Variants in LUZP2 observed in about 807,000 individuals in gnomAD.
LUZP2 encodes the protein leucine zipper protein 2.
In LUZP2, 52 loss-of-function variants were observed where a neutral mutation model predicts 51.6. The ratio of observed to expected loss-of-function variants is 1.01; its 90% CI spans 0.81 to 1.27. LUZP2 has a LOEUF of 1.27. LUZP2 is among the 50% of genes most tolerant of loss of function. The pLI is 0.00. For synonymous variants in LUZP2, 154 were observed against 137.3 expected (o/e 1.12, Z -0.85); for missense variants, 436 against 395.4 (o/e 1.10, Z -0.87).
At chr11:24,661,759 G>C (rs562837512) in intron 1 of LUZP2, among the ~76,000 whole-genome samples, 2 of 152,228 alleles carry the variant, frequency 1.3e-5, no homozygotes, top group East Asian at 3.9e-4. Flanking sequence ...TGGTGAAATA[G>C]TAACTATTCG....
At chr11:24,610,134 A>G (rs111908598) in intron 1 of LUZP2, among the ~76,000 whole-genome samples, 36 of 152,330 alleles carry the variant, frequency 2.4e-4, no homozygotes, top group Admixed American at 5.9e-4. Context: ...CACTGACTGA[A>G]GAATGGCGTT....
chr11:24,804,522 A>G (rs1849796373), intron 5 of LUZP2, among the ~76,000 whole-genome samples: 1 of 152,172 alleles, frequency 6.6e-6, no homozygotes, highest in Admixed American at 6.6e-5. Flanking sequence ...AGCCCTGCAG[A>G]AGTATGATTG....
rs1323862156 is a variant in LUZP2, at chr11:24,637,139, G to C, written c.63-92030G>C. The stretch of plus-strand genomic sequence containing the variant: ...ATTGTAGAGGATGAGCAGAGTGTTA[G>C]AAATATAAAAGCATTATAAAATTGT... On this transcript the variant is annotated intron_variant, in intron 1 of 11. Transcript: ENST00000336930. Among the ~76,000 whole-genome samples the C allele has an allele frequency of 2.6e-5, 4 of 151,726 alleles. 1 individual carries two copies. Among genetic ancestry groups the C allele is most frequent in the African/African-American group, 9.7e-5 (4 of 41,120 alleles).
chr11:24,505,903 G>A (rs1323590943), intron 1 of LUZP2, among the ~76,000 whole-genome samples: 1 of 151,938 alleles, frequency 6.6e-6, no homozygotes, highest in African/African-American at 2.4e-5. Context: ...GCTATAATAT[G>A]GGTAAATATT....
At chr11:24,742,735 T>C (rs1487240975) in intron 4 of LUZP2, among the ~76,000 whole-genome samples, 2 of 152,140 alleles carry the variant, frequency 1.3e-5, no homozygotes, top group African/African-American at 2.4e-5. Flanking sequence ...TTTATTGCGT[T>C]TGCTTTTGGG....
At chr11:24,792,014 A>C (rs1372901015) in intron 5 of LUZP2, among the ~76,000 whole-genome samples, 2 of 150,144 alleles carry the variant, frequency 1.3e-5, no homozygotes, top group African/African-American at 4.9e-5. Flanking sequence ...TTTCTTTTTA[A>C]ACTTTGAGAG....
At chr11:25,077,201 G>T (rs1311583069) in intron 10 of LUZP2, 128 bp from the exon 11 acceptor site, 6 of 722,224 alleles carry the variant, frequency 8.3e-6, no homozygotes, top group East Asian at 2.9e-5. Context: ...CCTAGCTTTT[G>T]CCCTTTCAGT....
chr11:24,642,934 G>C (rs1178559865), intron 1 of LUZP2, among the ~76,000 whole-genome samples: 3 of 152,108 alleles, frequency 2.0e-5, no homozygotes, highest in Non-Finnish European at 4.4e-5. Context: ...GAATTAGCAG[G>C]ATTGTTGCCC....
intron 10 of LUZP2, among the ~76,000 whole-genome samples, chr11:25,056,454 T>C (rs1311552407): frequency 3.3e-5 from 5 of 152,034 alleles, no homozygotes; most frequent in Admixed American, 3.3e-4. Context: ...TCTCAGTAAA[T>C]AGATAAGAAA....
chr11:24,676,651 GTTTTTGTTTGTTTTT>G (rs147619385), intron 1 of LUZP2, among the ~76,000 whole-genome samples: 27,993 of 151,018 alleles, frequency 0.19, 2,653 homozygotes, highest in East Asian at 0.32. Flanking sequence ...ATTTATTTTT[GTTTTTGTTTGTTTTT>G]TTTTTGTTTG....
chr11:24,824,714 A>G (rs895810089), intron 5 of LUZP2, among the ~76,000 whole-genome samples: 6 of 152,112 alleles, frequency 3.9e-5, no homozygotes, highest in Non-Finnish European at 8.8e-5. Flanking sequence ...TTTATTTTAT[A>G]TAATCATCTG....
Position 24,687,690 on chromosome 11 carries a change from C to G in LUZP2, c.63-41479C>G, listed in dbSNP as rs181954180. Among the ~76,000 whole-genome samples the G allele has an allele frequency of 3.4e-3, 511 of 152,234 alleles. 4 individuals are homozygous for G. Among genetic ancestry groups the G allele is most frequent in the African/African-American group, 0.01 (423 of 41,548 alleles). On this transcript the variant is annotated intron_variant, in intron 1 of 11. Coordinates refer to ENST00000336930, the MANE Select transcript of LUZP2 (RefSeq NM_001009909.4). ...TGTGCCAGTTTAGTCTTGATTTTCC[C>G]CACTCTATTTCCTGGCATCATTGAC...
intron 7 of LUZP2, among the ~76,000 whole-genome samples, chr11:24,929,959 C>A (rs935521924): frequency 6.6e-6 from 1 of 152,136 alleles, no homozygotes; most frequent in Admixed American, 6.6e-5. Context: ...CCCTGTAGGG[C>A]AAGTCCTGTT....
intron 1 of LUZP2, among the ~76,000 whole-genome samples, chr11:24,578,662 A>C (rs1317505369): frequency 6.6e-6 from 1 of 152,052 alleles, no homozygotes; most frequent in Non-Finnish European, 1.5e-5. Context: ...GCCTTATCCT[A>C]AAAAAATTAA....
At chr11:25,057,092 T>C (rs1295113251) in intron 10 of LUZP2, among the ~76,000 whole-genome samples, 1 of 152,102 alleles carries the variant, frequency 6.6e-6, no homozygotes, top group Admixed American at 6.6e-5. Context: ...TGTTCATTTA[T>C]TGCAGGTTTA....
intron 5 of LUZP2, among the ~76,000 whole-genome samples, chr11:24,807,108 G>A (rs536552070): frequency 6.6e-6 from 1 of 150,642 alleles, no homozygotes; most frequent in Admixed American, 6.6e-5. Context: ...TACAAAGGAA[G>A]GAAAAAGTAA....
chr11:25,018,732 C>T (rs2133970741), intron 9 of LUZP2, among the ~76,000 whole-genome samples: 1 of 151,362 alleles, frequency 6.6e-6, no homozygotes, highest in East Asian at 2.0e-4. Flanking sequence ...CTCAGCCTCT[C>T]AAGTAGCTGG....
rs139925743 is a variant in LUZP2 at position 25,004,721 on chromosome 11, C to T, written c.765+21428C>T. The stretch of plus-strand genomic sequence containing the variant: ...AACTCATGGGCTTTTTCCTAATTCT[C>T]CTTAGTCCTTCTAGAACACAGGTCA... On this transcript the variant is annotated intron_variant, in intron 9 of 11. Transcript: ENST00000336930. Among the ~76,000 whole-genome samples the T allele has an allele frequency of 4.9e-3, 744 of 152,254 alleles. 2 individuals carry two copies. Among genetic ancestry groups the T allele is most frequent in the Non-Finnish European group, 7.7e-3 (527 of 68,022 alleles).
chr11:24,733,696 T>G (rs1858812046), intron 3 of LUZP2, among the ~76,000 whole-genome samples: 1 of 151,366 alleles, frequency 6.6e-6, no homozygotes, highest in East Asian at 1.9e-4. Flanking sequence ...ATAACTTAGA[T>G]GAAATTAGTA....
Sources: allele counts gnomAD v4.1 joint callset (sites outside exome capture counted in the v4.1 genomes callset), GRCh38; gene constraint gnomAD v4.1.1; transcripts MANE v1.5; gene names NCBI Gene and HGNC (gene_info 2026-07-23, HGNC 2026-07-21).